MRPL33: variants seen among roughly 807,000 people sequenced by gnomAD.
The protein encoded by MRPL33 is large ribosomal subunit protein bL33m.
A neutral mutation model predicts 10.1 loss-of-function variants in MRPL33; 5 were observed. The observed-to-expected ratio is 0.49, with a 90% confidence interval of 0.26 to 1.04. The LOEUF is 1.04. MRPL33 is among the 50% of genes least tolerant of loss of function. The probability of loss-of-function intolerance (pLI) is 0.14; values close to 1 mark genes in which losing one functional copy is unlikely to be tolerated. For synonymous variants in MRPL33, 24 were observed against 27.7 expected (o/e 0.87, Z 0.42); for missense variants, 79 against 78.1 (o/e 1.01, Z -0.04).
chr2:27,777,122 C>T (rs910935373), intron 3 of MRPL33, among the ~76,000 whole-genome samples: 4 of 152,188 alleles, frequency 2.6e-5, no homozygotes, highest in Admixed American at 6.5e-5. Context: ...TCAAGCAGTC[C>T]GCCCACCTTG....
At chr2:27,776,317 G>T (rs139682392) in intron 3 of MRPL33, among the ~76,000 whole-genome samples, 1 of 152,264 alleles carries the variant, frequency 6.6e-6, no homozygotes, top group Admixed American at 6.5e-5. Context: ...CCCTGCACGT[G>T]TTCGTGATGA....
At chr2:27,774,372 A>G (rs1677109028) in intron 2 of MRPL33, 52 bp from the exon 3 acceptor site, 1 of 1,457,354 alleles carries the variant, frequency 6.9e-7, no homozygotes, top group African/African-American at 1.4e-5. Context: ...CCTGTGACTG[A>G]TTTTAGTTTA....
rs1282271264 is a variant in MRPL33 at position 27,774,360 on chromosome 2, C to T, written c.42-64C>T. 15 of 1,306,278 alleles carry T rather than the reference C, an allele frequency of 1.1e-5. No individual in the cohort carries two copies. The African/African-American group carries it at 2.2e-4, about 19-fold the overall frequency. The allele number at this position is 1,306,278 out of a possible 1,614,324, so 80.9% of individuals were successfully genotyped here. A position where few individuals can be genotyped will look rare whatever the true frequency, so the allele number is the denominator to read the frequency against. ...TACAGAGTTCTCAAAATGTGCCATC[C>T]CCCTGTGACTGATTTTAGTTTATTT... is the stretch of plus-strand genomic sequence containing the variant. On this transcript the variant is annotated intron_variant, in intron 2 of 3. Coordinates refer to ENST00000296102, the MANE Select transcript of MRPL33 (RefSeq NM_004891.4).
chr2:27,777,947 TTCTTTACTACCA>T (rs1558528841), intron 3 of MRPL33, among the ~76,000 whole-genome samples: 1 of 152,216 alleles, frequency 6.6e-6, no homozygotes, highest in Non-Finnish European at 1.5e-5. Context: ...ACTGTTTTGG[TTCTTTACTACCA>T]TCTTGTAATG....
At chr2:27,777,885 T>G (rs936174789) in intron 3 of MRPL33, among the ~76,000 whole-genome samples, 1 of 152,150 alleles carries the variant, frequency 6.6e-6, no homozygotes, top group Non-Finnish European at 1.5e-5. Context: ...AGTTTTTAGT[T>G]CCCTGTAGAA....
chr2:27,772,644 C>A (rs1332439259), intron 1 of MRPL33, 30 bp from the exon 2 acceptor site: 4 of 1,554,222 alleles, frequency 2.6e-6, no homozygotes, highest in Non-Finnish European at 3.5e-6. Flanking sequence ...TTTTTATTTT[C>A]TTTTCCAACC....
chr2:27,777,777 T>C (rs1400918075), intron 3 of MRPL33, among the ~76,000 whole-genome samples: 1 of 152,226 alleles, frequency 6.6e-6, no homozygotes, highest in African/African-American at 2.4e-5. Flanking sequence ...CTTGCTCTAC[T>C]AACCTTAATC....
chr2:27,776,016 T>C (rs1224735139), intron 3 of MRPL33, among the ~76,000 whole-genome samples: 2 of 152,246 alleles, frequency 1.3e-5, no homozygotes, highest in Non-Finnish European at 2.9e-5. Flanking sequence ...TTCTGTGATA[T>C]TTTAAGTATG....
intron 3 of MRPL33, among the ~76,000 whole-genome samples, chr2:27,775,002 C>T (rs894077641): frequency 1.3e-5 from 2 of 152,106 alleles, no homozygotes; most frequent in Non-Finnish European, 2.9e-5. Flanking sequence ...ATCATCTGTT[C>T]GACAGTGGCT....
intron 1 of MRPL33, 66 bp from the exon 2 acceptor site, chr2:27,772,608 T>C (rs1677075303): frequency 8.6e-6 from 11 of 1,286,236 alleles, no homozygotes; most frequent in African/African-American, 1.5e-5. Context: ...ATATGAACTT[T>C]GCATAAGAAA....
chr2:27,774,316 C>G, intron 2 of MRPL33, 108 bp from the exon 3 acceptor site: 1 of 871,116 alleles, frequency 1.1e-6, no homozygotes, highest in Non-Finnish European at 1.9e-6. Context: ...CAAGTGATAT[C>G]TCACAACTAA....
At chr2:27,772,612 TAAGA>T (rs1677075419) in intron 1 of MRPL33, 58 bp from the exon 2 acceptor site, 7 of 1,330,924 alleles carry the variant, frequency 5.3e-6, no homozygotes, top group South Asian at 3.9e-5. Flanking sequence ...GAACTTTGCA[TAAGA>T]AAGAGAATAC....
intron 3 of MRPL33, among the ~76,000 whole-genome samples, chr2:27,778,845 C>T (rs1372852524): frequency 1.3e-5 from 2 of 152,156 alleles, no homozygotes; most frequent in African/African-American, 2.4e-5. Context: ...TGAGTCACTG[C>T]GCCCAGCTAG....
chr2:27,779,521 A>G lies in MRPL33; in HGVS notation c.*39A>G. On this transcript the variant is annotated 3_prime_UTR_variant, in exon 4 of 4. Coordinates refer to ENST00000296102, the MANE Select transcript of MRPL33 (RefSeq NM_004891.4). ...AATGACTTTGATTTATAAAGAGAAGACTGAGGGCGGGGATACTGATTCAGA... is the reference window on the plus strand; with the variant it reads ...AATGACTTTGATTTATAAAGAGAAGGCTGAGGGCGGGGATACTGATTCAGA... 2 of 1,612,996 alleles carry G rather than the reference A, an allele frequency of 1.2e-6. No individual in the cohort carries two copies. Among genetic ancestry groups the G allele is most frequent in the Middle Eastern group, 1.7e-4 (1 of 6,058 alleles).
intron 3 of MRPL33, among the ~76,000 whole-genome samples, chr2:27,777,189 T>C (rs1309989857): frequency 6.6e-6 from 1 of 152,098 alleles, no homozygotes; most frequent in Non-Finnish European, 1.5e-5. Flanking sequence ...CCTTCTAATT[T>C]AAAAATAGGT....
At chr2:27,775,228 C>T (rs1677127555) in intron 3 of MRPL33, among the ~76,000 whole-genome samples, 1 of 152,082 alleles carries the variant, frequency 6.6e-6, no homozygotes. Flanking sequence ...GAGTCAGCAC[C>T]TGATTGCTGT....
chr2:27,772,423 A>T (rs1351003389), intron 1 of MRPL33: 1 of 425,970 alleles, frequency 2.3e-6, no homozygotes, highest in South Asian at 4.1e-5. Context: ...AGCCAGTCCA[A>T]CAGTCATGAA....
At chr2:27,779,387 G>A (rs1677233395) in intron 3 of MRPL33, 46 bp from the exon 4 acceptor site, 1 of 1,568,354 alleles carries the variant, frequency 6.4e-7, no homozygotes, top group South Asian at 1.2e-5. Context: ...AAATGGCGAT[G>A]ATACTTAATA....
intron 3 of MRPL33, among the ~76,000 whole-genome samples, chr2:27,777,745 A>G (rs1677203307): frequency 6.6e-6 from 1 of 152,208 alleles, no homozygotes; most frequent in African/African-American, 2.4e-5. Flanking sequence ...TGAATGAATC[A>G]AAGAATTCTA....
Sources: allele counts gnomAD v4.1 joint callset (sites outside exome capture counted in the v4.1 genomes callset), GRCh38; gene constraint gnomAD v4.1.1; transcripts MANE v1.5; gene names NCBI Gene and HGNC (gene_info 2026-07-23, HGNC 2026-07-21).